Variants in CAMKK2 observed in about 807,000 individuals in gnomAD.
CAMKK2 encodes calcium/calmodulin-dependent protein kinase kinase 2.
Under a neutral mutation model 67.2 loss-of-function variants are expected in CAMKK2, and 30 were observed. That is an observed-to-expected ratio of 0.45 (90% CI 0.33 to 0.61). CAMKK2 has a LOEUF of 0.61. Ranked by LOEUF, CAMKK2 falls within the 20% of genes least tolerant of loss-of-function variation. The pLI, the probability that CAMKK2 is intolerant of heterozygous loss-of-function variation, is 0.02. For missense variants in CAMKK2, 643 were observed against 802.0 expected (o/e 0.80, Z 2.39); for synonymous variants, 322 against 326.2 (o/e 0.99, Z 0.14).
At chr12:121,293,068 G>A (rs538402485) in intron 1 of CAMKK2, among the ~76,000 whole-genome samples, 10 of 152,234 alleles carry the variant, frequency 6.6e-5, no homozygotes, top group Non-Finnish European at 1.3e-4. Context: ...CTGAGGTCAG[G>A]AGTTCGAGAC....
intron 1 of CAMKK2, among the ~76,000 whole-genome samples, chr12:121,292,803 A>G (rs7966488): frequency 0.042 from 6,313 of 151,986 alleles, 467 homozygotes; most frequent in African/African-American, 0.15. Flanking sequence ...CCCTGTTTCT[A>G]TAAAGAAATT....
intron 1 of CAMKK2, among the ~76,000 whole-genome samples, chr12:121,293,931 T>G (rs1191998530): frequency 6.6e-6 from 1 of 151,576 alleles, no homozygotes; most frequent in African/African-American, 2.4e-5. Flanking sequence ...GATTTTTTTT[T>G]GTTTTTTGTT....
chr12:121,274,383 G>A lies in CAMKK2; in HGVS notation c.144C>T (p.Gly48=). ...CGGTGACCACAATGAAGGACTCCATGCCCAGGTGGATGCTCAAGGATGAGA... is the reference window on the plus strand; with the variant it reads ...CGGTGACCACAATGAAGGACTCCATACCCAGGTGGATGCTCAAGGATGAGA... ...RGLSSLSIHL[G]MESFIVVTEC... The change falls in exon 2 of 17, where the codon GGC becomes GGT. Residue 48 remains glycine, a synonymous_variant. Coordinates refer to ENST00000404169, the MANE Select transcript of CAMKK2 (RefSeq NM_001270485.2). The A allele has an allele frequency of 6.2e-7, 1 of 1,613,524 alleles. No homozygotes were observed. Among genetic ancestry groups the A allele is most frequent in the Non-Finnish European group, 8.5e-7 (1 of 1,179,948 alleles).
In CAMKK2 at chr12:121,285,540, G is replaced by A. The variant is rs1479603797; in HGVS notation, c.-59-10955C>T. Among the ~76,000 whole-genome samples the A allele has an allele frequency of 2.6e-5, 4 of 152,124 alleles. No individual in the cohort carries two copies. The highest frequency in any genetic ancestry group is 7.2e-5 in the African/African-American group (3 of 41,404). ...AGTAGATGTGTGGGCCAGGCATGGT[G>A]GCTCACGCCTGTGCTCCTAGCACTG... is the stretch of plus-strand genomic sequence containing the variant. On this transcript the variant is annotated intron_variant, in intron 1 of 16. Coordinates refer to ENST00000404169, the MANE Select transcript of CAMKK2 (RefSeq NM_001270485.2). This position sits in a 1 kb window ranked among gnomAD's most constrained non-coding sequence, Gnocchi z 4.1.
intron 7 of CAMKK2, among the ~76,000 whole-genome samples, chr12:121,259,086 ACCCG>A (rs989207755): frequency 5.9e-5 from 9 of 151,802 alleles, no homozygotes; most frequent in Admixed American, 6.6e-5. Context: ...CAGGTGATCC[ACCCG>A]CTCGGACTCC....
intron 16 of CAMKK2, among the ~76,000 whole-genome samples, chr12:121,242,835 C>T (rs1248574640): frequency 6.6e-6 from 1 of 152,050 alleles, no homozygotes; most frequent in Non-Finnish European, 1.5e-5. Context: ...CTCCGCCTCC[C>T]GGGTTCACGC....
chr12:121,248,247 C>T (rs1167168734), intron 14 of CAMKK2, among the ~76,000 whole-genome samples: 2 of 152,228 alleles, frequency 1.3e-5, no homozygotes, highest in Non-Finnish European at 2.9e-5. Context: ...CTACGCCATC[C>T]ACCCTGGAGC....
chr12:121,295,441 A>C (rs1307827619), intron 1 of CAMKK2, among the ~76,000 whole-genome samples: 1 of 152,076 alleles, frequency 6.6e-6, no homozygotes, highest in Non-Finnish European at 1.5e-5. Flanking sequence ...GTGATTAGGG[A>C]AGAGGGTGGC....
chr12:121,264,076 C>T, intron 5 of CAMKK2, 137 bp from the exon 6 acceptor site: 1 of 745,334 alleles, frequency 1.3e-6, no homozygotes, highest in South Asian at 2.2e-5. Flanking sequence ...CCACCAGGGG[C>T]TTTAACTAAC....
chr12:121,240,636 A>T lies in CAMKK2; in HGVS notation c.*63T>A. On this transcript the variant is annotated 3_prime_UTR_variant, in exon 17 of 17. Transcript: ENST00000404169. This position sits in a 1 kb window ranked among gnomAD's most constrained non-coding sequence, Gnocchi z 4.4. Reference sequence around the variant, plus strand: ...TTCCGTAGGACATGCTGCTATGGAAACGCGGTGCAGCAGCCCCCCAGAGGC... The same window carrying T: ...TTCCGTAGGACATGCTGCTATGGAATCGCGGTGCAGCAGCCCCCCAGAGGC... The T allele has an allele frequency of 6.5e-7, 1 of 1,537,260 alleles. No homozygotes were observed. The highest frequency in any genetic ancestry group is 8.7e-7 in the Non-Finnish European group (1 of 1,147,842).
At chr12:121,295,919 C>A (rs1022897911) in intron 1 of CAMKK2, among the ~76,000 whole-genome samples, 1 of 152,096 alleles carries the variant, frequency 6.6e-6, no homozygotes, top group Non-Finnish European at 1.5e-5. Context: ...GGGTGGCACC[C>A]CAGGCACAGA....
At chr12:121,295,487 C>T (rs1053868195) in intron 1 of CAMKK2, among the ~76,000 whole-genome samples, 5 of 152,168 alleles carry the variant, frequency 3.3e-5, no homozygotes, top group East Asian at 3.9e-4. Context: ...TTGCAGCCCC[C>T]GCCTCCTCCA....
intron 6 of CAMKK2, among the ~76,000 whole-genome samples, chr12:121,261,380 G>A (rs935377436): frequency 3.9e-5 from 6 of 152,170 alleles, no homozygotes; most frequent in Non-Finnish European, 5.9e-5. Flanking sequence ...CCAGTGAGTC[G>A]AGATTGTGTC....
At chr12:121,263,701 G>A (rs181118522) in intron 6 of CAMKK2, 105 bp downstream of exon 6, 1,849 of 1,027,378 alleles carry the variant, frequency 1.8e-3, no homozygotes, top group Non-Finnish European at 2.2e-3. Flanking sequence ...GCCCTGCAGT[G>A]AGCGGTCTGG....
chr12:121,297,555 G>C, upstream of CAMKK2: 1 of 512,974 alleles, frequency 1.9e-6, no homozygotes, highest in South Asian at 1.4e-5. Context: ...GGAGCCTTAA[G>C]TGTGCGTTGG....
At chr12:121,264,367 T>G (rs1233555409) in intron 5 of CAMKK2, among the ~76,000 whole-genome samples, 1 of 152,256 alleles carries the variant, frequency 6.6e-6, no homozygotes, top group Non-Finnish European at 1.5e-5. Flanking sequence ...CTGGGCGCTA[T>G]GGCTCATGCC....
At chr12:121,257,019 G>A (rs548085191) in intron 7 of CAMKK2, among the ~76,000 whole-genome samples, 2 of 54,508 alleles carry the variant, frequency 3.7e-5, no homozygotes, top group African/African-American at 2.1e-4. Flanking sequence ...ACTTTAGGAA[G>A]TTAAAAAAAA....
rs140646714 is a variant in CAMKK2 at position 121,259,616 on chromosome 12, C to A, written c.796+703G>T. ...TTTATAATCTGGCCATACCTATATG[C>A]CACATCAATTATTTATTGAATGTTT... On this transcript the variant is annotated intron_variant, in intron 7 of 16. Coordinates refer to ENST00000404169, the MANE Select transcript of CAMKK2 (RefSeq NM_001270485.2). Among the ~76,000 whole-genome samples, 410 of 152,294 alleles carry A rather than the reference C, an allele frequency of 2.7e-3. 1 individual carries two copies. The highest frequency in any genetic ancestry group is 9.4e-3 in the African/African-American group (390 of 41,566).
At chr12:121,280,036 C>T (rs1221842467) in intron 1 of CAMKK2, among the ~76,000 whole-genome samples, 1 of 152,228 alleles carries the variant, frequency 6.6e-6, no homozygotes, top group Non-Finnish European at 1.5e-5. Flanking sequence ...CAAAAAGGCC[C>T]AAAACAGCTC....
Sources: allele counts gnomAD v4.1 joint callset (sites outside exome capture counted in the v4.1 genomes callset), GRCh38; gene constraint gnomAD v4.1.1; non-coding constraint Gnocchi (gnomAD v3.1); transcripts MANE v1.5; gene names NCBI Gene and HGNC (gene_info 2026-07-23, HGNC 2026-07-21).